Variants in CYB5RL observed in about 807,000 individuals in gnomAD.
CYB5RL encodes NADH-cytochrome b5 reductase-like.
Under a neutral mutation model 37.5 loss-of-function variants are expected in CYB5RL, and 38 were observed. That is an observed-to-expected ratio of 1.01 (90% confidence interval 0.78 to 1.33). The LOEUF is 1.33. Among genes scored for constraint, CYB5RL ranks in the 40% most tolerant of loss-of-function variants. The probability of loss-of-function intolerance (pLI) is 0.00; values close to 1 mark genes in which losing one functional copy is unlikely to be tolerated. For missense variants in CYB5RL, 388 were observed against 394.4 expected (o/e 0.98, Z 0.14); for synonymous variants, 141 against 151.9 (o/e 0.93, Z 0.53).
intron 3 of CYB5RL, among the ~76,000 whole-genome samples, chr1:54,191,139 C>A (rs772857207): frequency 1.3e-5 from 2 of 152,170 alleles, no homozygotes; most frequent in African/African-American, 2.4e-5. Flanking sequence ...GGGTAAAATG[C>A]GGGCTCCTTC....
intron 7 of CYB5RL, chr1:54,175,693 A>T (rs1468779203): frequency 1.6e-5 from 7 of 439,682 alleles, no homozygotes; most frequent in Admixed American, 2.5e-5. Flanking sequence ...AAAAAACATT[A>T]AAAAATAACA....
intron 4 of CYB5RL, 98 bp from the exon 5 acceptor site, chr1:54,187,837 A>T (rs1643916675): frequency 9.6e-7 from 1 of 1,036,304 alleles, no homozygotes; most frequent in Middle Eastern, 2.1e-4. Flanking sequence ...ACACTTTGGG[A>T]GGCCGAGGTG....
In CYB5RL at chr1:54,174,674, A is replaced by T; in HGVS notation, c.893T>A (p.Ile298Lys). ...VCGSAEFTKD[I>K]ARCLLCAGLT... ...GCCTGCGCACAGTAAGCACCTGGCT[A>T]TGTCTTTGGTGAACTCAGCCGAGCC... Residue 298 changes from isoleucine (I) to lysine (K), a missense_variant, in exon 8 of 8, where the codon ATA (isoleucine) becomes AAA (lysine). Transcript: ENST00000534324. 2 of 1,613,546 alleles carry T rather than the reference A, an allele frequency of 1.2e-6. No individual in the cohort carries two copies. Among genetic ancestry groups the T allele is most frequent in the Non-Finnish European group, 1.7e-6 (2 of 1,179,730 alleles).
chr1:54,188,218 G>T (rs1643919921), intron 4 of CYB5RL, among the ~76,000 whole-genome samples: 1 of 152,224 alleles, frequency 6.6e-6, no homozygotes, highest in Admixed American at 6.5e-5. Flanking sequence ...CTGGCTGTGA[G>T]ATCCCAGTAG....
chr1:54,180,266 C>T (rs1660126150), intron 6 of CYB5RL: 1 of 394,590 alleles, frequency 2.5e-6, no homozygotes, highest in Non-Finnish European at 4.9e-6. Context: ...GAGTTCCCAC[C>T]CCAGGAGGTC....
intron 1 of CYB5RL, among the ~76,000 whole-genome samples, chr1:54,197,312 C>A (rs199767433): frequency 1.5e-5 from 2 of 130,380 alleles, no homozygotes; most frequent in African/African-American, 5.8e-5. Context: ...TTTTTCTTTT[C>A]TTTTCTTTTT....
intron 1 of CYB5RL, among the ~76,000 whole-genome samples, chr1:54,199,035 C>A (rs867331391): frequency 6.6e-6 from 1 of 152,086 alleles, no homozygotes. Flanking sequence ...GTTCATGCGT[C>A]CTCTGAGCTC....
intron 1 of CYB5RL, among the ~76,000 whole-genome samples, chr1:54,198,630 C>CT (rs145616563): frequency 0.73 from 75,978 of 103,952 alleles, 29,306 homozygotes; most frequent in East Asian, 0.86. Flanking sequence ...CATGCCCGGC[C>CT]TTTTTTTTTT....
intron 5 of CYB5RL, chr1:54,185,822 CA>C (rs1660275783): frequency 6.6e-6 from 1 of 152,272 alleles, no homozygotes; most frequent in African/African-American, 2.4e-5. Flanking sequence ...TGTCCCCACC[CA>C]AATCTCATCT....
rs770399812 is a variant in CYB5RL at position 54,187,735 on chromosome 1, T to C, written c.352A>G (p.Ile118Val). The change falls in exon 5 of 8, where the codon ATA (isoleucine) becomes GTA (valine). Residue 118 changes from isoleucine (I) to valine (V), a missense_variant. Transcript: ENST00000534324. ...RPGQHLILRG[I>V]VDDLEIQRAY... The stretch of plus-strand genomic sequence containing the variant: ...CTCTGAATTTCTAAGTCATCTACTA[T>C]CCCTCTGAGAAACAGAAGTGTGCAG... 6.2e-7 allele frequency: 1 copy of C among 1,613,838 alleles called. No individual in the cohort carries two copies. Among genetic ancestry groups the C allele is most frequent in the Non-Finnish European group, 8.5e-7 (1 of 1,179,750 alleles).
chr1:54,194,370 C>CA (rs1203676236), intron 3 of CYB5RL, among the ~76,000 whole-genome samples: 81 of 133,626 alleles, frequency 6.1e-4, no homozygotes, highest in East Asian at 8.9e-4. Flanking sequence ...AACTCCATCT[C>CA]AAAAAAAAAA....
intron 4 of CYB5RL, among the ~76,000 whole-genome samples, chr1:54,189,456 C>A (rs1266045483): frequency 6.6e-6 from 1 of 151,992 alleles, no homozygotes; most frequent in Non-Finnish European, 1.5e-5. Flanking sequence ...GAGACCAGGG[C>A]AGGGGTGGGT....
intron 2 of CYB5RL, among the ~76,000 whole-genome samples, chr1:54,195,964 T>A (rs1385620610): frequency 6.6e-6 from 1 of 152,200 alleles, no homozygotes; most frequent in African/African-American, 2.4e-5. Context: ...CTACTACTCA[T>A]AAGCTCTATG....
At chr1:54,191,182 C>A (rs1453647799) in intron 3 of CYB5RL, among the ~76,000 whole-genome samples, 1 of 152,156 alleles carries the variant, frequency 6.6e-6, no homozygotes, top group East Asian at 1.9e-4. Context: ...CTGTGGACGA[C>A]CCTCATGCCT....
Position 54,195,548 on chromosome 1 carries a change from G to C in CYB5RL, c.69C>G (p.Pro23=). 1 of 1,613,832 alleles carries C rather than the reference G, an allele frequency of 6.2e-7. No homozygotes were observed. Among genetic ancestry groups the C allele is most frequent in the Non-Finnish European group, 8.5e-7 (1 of 1,179,776 alleles). Residue 23 remains proline (P), a synonymous_variant, in exon 3 of 8, where the codon CCC becomes CCG. Transcript: ENST00000534324. ...EAWMQLRPTE[P]LPSQCCGSGC... ...CACTGCCGCAGCACTGGGAAGGCAA[G>C]GGTTCTGTGGGCCGTAGCTGCATCC...
At position 54,177,167 on chromosome 1, in the gene CYB5RL, G is replaced by A. The variant is rs182191317; in HGVS notation, c.744+1982C>T. On this transcript the variant is annotated intron_variant, in intron 7 of 7. Coordinates refer to ENST00000534324, the MANE Select transcript of CYB5RL (RefSeq NM_001031672.4). ...AGGGCTAGAAACAGGGTGGTGGTAG[G>A]GTCAGATCTGCCTTTAGGACTGCAG... Among the ~76,000 whole-genome samples, 107 of 152,272 alleles carry A rather than the reference G, an allele frequency of 7.0e-4. 1 individual carries two copies. In the South Asian group the frequency reaches 0.014, roughly 20 times the overall value.
chr1:54,190,854 A>C lies in CYB5RL; in HGVS notation c.241T>G (p.Cys81Gly), dbSNP rs745457434. 4 of 1,610,324 alleles carry C rather than the reference A, an allele frequency of 2.5e-6. No homozygotes were observed. The highest frequency in any genetic ancestry group is 3.4e-6 in the Non-Finnish European group (4 of 1,178,528). ...KLNPETFVAFCIIAMDRLTKD... is the reference protein window; with the variant it reads ...KLNPETFVAFGIIAMDRLTKD... ...GTGAGCCTGTCCATGGCAATGATGC[A>C]GAAGGCCACGAAGGTCTCTGGGTTC... The change falls in exon 4 of 8, where the codon TGC becomes GGC. Residue 81 changes from cysteine to glycine, a missense_variant. Coordinates refer to ENST00000534324, the MANE Select transcript of CYB5RL (RefSeq NM_001031672.4).
chr1:54,184,109 G>A, intron 6 of CYB5RL, 52 bp downstream of exon 6: 2 of 1,532,596 alleles, frequency 1.3e-6, no homozygotes, highest in Non-Finnish European at 1.8e-6. Context: ...GCCGAAACAT[G>A]AAAACCACAG....
At chr1:54,197,200 A>C (rs1335598973) in intron 1 of CYB5RL, among the ~76,000 whole-genome samples, 1 of 152,140 alleles carries the variant, frequency 6.6e-6, no homozygotes, top group South Asian at 2.1e-4. Flanking sequence ...GAAGAGAGAA[A>C]AACAGGTGCA....
Sources: allele counts gnomAD v4.1 joint callset (sites outside exome capture counted in the v4.1 genomes callset), GRCh38; gene constraint gnomAD v4.1.1; transcripts MANE v1.5; gene names NCBI Gene and HGNC (gene_info 2026-07-23, HGNC 2026-07-21).